Variants in CLSTN3 observed in about 807,000 individuals in gnomAD.
CLSTN3 encodes the protein calsyntenin-3.
A neutral mutation model predicts 95.9 loss-of-function variants in CLSTN3; 36 were observed. That is an observed-to-expected ratio of 0.38 (90% CI 0.29 to 0.50). The LOEUF (loss-of-function observed/expected upper bound fraction) is 0.50. CLSTN3 is among the 20% of genes least tolerant of loss of function. The probability of loss-of-function intolerance (pLI) is 0.95; values close to 1 mark genes in which losing one functional copy is unlikely to be tolerated. For synonymous variants in CLSTN3, 481 were observed against 504.0 expected (o/e 0.95, Z 0.61); for missense variants, 1,084 against 1,268.8 (o/e 0.85, Z 2.21).
At position 7,137,812 on chromosome 12, in the gene CLSTN3, G is replaced by GAC. The variant is rs1939457553; in HGVS notation, c.1211-142_1211-141insCA. 10 of 578,024 alleles carry GAC rather than the reference G, an allele frequency of 1.7e-5. No individual in the cohort carries two copies. The highest frequency in any genetic ancestry group is 9.5e-5 in the South Asian group (5 of 52,718). 35.8% of individuals were successfully genotyped at this position (578,024 alleles called of 1,614,324 possible). A position where few individuals can be genotyped will look rare whatever the true frequency, so the allele number is the denominator to read the frequency against. On this transcript the variant is annotated intron_variant, in intron 7 of 17. Transcript: ENST00000266546. The surrounding 1 kb of genome is among the most constrained non-coding windows in gnomAD (Gnocchi z 4.4). The stretch of plus-strand genomic sequence containing the variant: ...TGTGTGTGTGAGAGAGAGAGAGAGA[G>GAC]AGAGAGAGAGGAAAGAAAAATGCTA...
In CLSTN3 at chr12:7,149,783, G is replaced by A; in HGVS notation, c.2245+90G>A. 1.6e-6 allele frequency: 2 copies of A among 1,242,156 alleles called. No homozygotes were observed. Among genetic ancestry groups the A allele is most frequent in the Non-Finnish European group, 1.1e-6 (1 of 893,866 alleles). 76.9% of individuals were successfully genotyped at this position (1,242,156 alleles called of 1,614,324 possible). ...GAAGCCCAGAGGGTCCTCCTTCCAG[G>A]TCCAGGGATGTGGACAAGTGCCGTT... On this transcript the variant is annotated intron_variant, in intron 14 of 17. Transcript: ENST00000266546. This position sits in a 1 kb window ranked among gnomAD's most constrained non-coding sequence, Gnocchi z 4.5.
At chr12:7,140,320 G>C (rs1163220552) in intron 8 of CLSTN3, among the ~76,000 whole-genome samples, 1 of 152,214 alleles carries the variant, frequency 6.6e-6, no homozygotes, top group African/African-American at 2.4e-5. Flanking sequence ...TGAGATACTT[G>C]TGGGCATCCA....
rs745362097 is a variant in CLSTN3 at position 7,149,020 on chromosome 12, C to T, written c.1896C>T (p.Tyr632=). The change falls in exon 13 of 18, where the codon TAC becomes TAT. Residue 632 remains tyrosine (Y), a synonymous_variant. Transcript: ENST00000266546. This position sits in a 1 kb window ranked among gnomAD's most constrained non-coding sequence, Gnocchi z 4.5. ...SCVSIPEVEG[Y]VVVLQPDAPQ... ...TCTCCATCCCTGAAGTGGAGGGCTA[C>T]GTGGTCGTCCTTCAGCCTGACGCCC... is the stretch of plus-strand genomic sequence containing the variant. 4.3e-6 allele frequency: 7 copies of T among 1,614,048 alleles called. No homozygotes were observed. Among genetic ancestry groups the T allele is most frequent in the South Asian group, 2.2e-5 (2 of 91,074 alleles).
rs1939457284 is a variant in CLSTN3, at chr12:7,137,804, G to C, written c.1211-151G>C. 1.9e-6 allele frequency: 1 copy of C among 538,498 alleles called. No individual in the cohort carries two copies. Among genetic ancestry groups the C allele is most frequent in the Non-Finnish European group, 3.4e-6 (1 of 295,550 alleles). 33.4% of individuals were successfully genotyped at this position (538,498 alleles called of 1,614,324 possible). ...TGTGTGTGTGTGTGTGTGAGAGAGA[G>C]AGAGAGAGAGAGAGAGAGGAAAGAA... On this transcript the variant is annotated intron_variant, in intron 7 of 17. Coordinates refer to ENST00000266546, the MANE Select transcript of CLSTN3 (RefSeq NM_014718.4). The surrounding 1 kb of genome is among the most constrained non-coding windows in gnomAD (Gnocchi z 4.4).
intron 1 of CLSTN3, chr12:7,131,749 C>T (rs931426809): frequency 1.3e-5 from 6 of 455,844 alleles, no homozygotes; most frequent in Non-Finnish European, 2.2e-5. Context: ...AGCCTCGCCT[C>T]CTAGCCTCCT....
chr12:7,136,494 G>A (rs1939424254), intron 6 of CLSTN3, 103 bp downstream of exon 6: 3 of 1,149,210 alleles, frequency 2.6e-6, no homozygotes, highest in Non-Finnish European at 1.2e-6. Flanking sequence ...CCATCCACAG[G>A]TGTTTATCCA....
rs746400828 is a variant in CLSTN3, at chr12:7,150,885, C to T, written c.2392-43C>T. 12 of 1,552,498 alleles carry T rather than the reference C, an allele frequency of 7.7e-6. No homozygotes were observed. The highest frequency in any genetic ancestry group is 1.0e-5 in the Non-Finnish European group (12 of 1,143,630). On this transcript the variant is annotated intron_variant, in intron 15 of 17. Transcript: ENST00000266546. This position sits in a 1 kb window ranked among gnomAD's most constrained non-coding sequence, Gnocchi z 4.0. ...TGGGGTCTAGAGAAGTGGGGAGGACCTGGGAGAAGCGTGTGTGCCCATGGA... is the reference window on the plus strand; with the variant it reads ...TGGGGTCTAGAGAAGTGGGGAGGACTTGGGAGAAGCGTGTGTGCCCATGGA...
At chr12:7,151,729 A>G (rs951403302) in intron 16 of CLSTN3, among the ~76,000 whole-genome samples, 10 of 152,292 alleles carry the variant, frequency 6.6e-5, no homozygotes, top group Non-Finnish European at 1.0e-4. Flanking sequence ...GTAATTGTAG[A>G]AAAACCAGAA....
rs1939703606 is a variant in CLSTN3 at position 7,150,484 on chromosome 12, G to A, written c.2246-60G>A. The A allele has an allele frequency of 4.5e-6, 7 of 1,565,702 alleles. 1 individual carries two copies. Among genetic ancestry groups the A allele is most frequent in the South Asian group, 2.3e-5 (2 of 86,860 alleles). On this transcript the variant is annotated intron_variant, in intron 14 of 17. Transcript: ENST00000266546. This position sits in a 1 kb window ranked among gnomAD's most constrained non-coding sequence, Gnocchi z 4.0. ...TCAGCTGGTGGGAGTCCAGGAGAGA[G>A]GGTCCTGCCCAGGTCCTGCCTCCAC...
At position 7,141,940 on chromosome 12, in the gene CLSTN3, T is replaced by C; in HGVS notation, c.1487-146T>C. On this transcript the variant is annotated intron_variant, in intron 9 of 17. Transcript: ENST00000266546. This position sits in a 1 kb window ranked among gnomAD's most constrained non-coding sequence, Gnocchi z 4.1. Reference sequence around the variant, plus strand: ...AAGGGTTGGGGCTGAGCTGAGAGGTTGCAAGTTATACATGGGCAGGGTCAG... The same window carrying C: ...AAGGGTTGGGGCTGAGCTGAGAGGTCGCAAGTTATACATGGGCAGGGTCAG... 1 of 634,134 alleles carries C rather than the reference T, an allele frequency of 1.6e-6. No homozygotes were observed. Among genetic ancestry groups the C allele is most frequent in the Non-Finnish European group, 2.7e-6 (1 of 368,178 alleles). 39.3% of individuals were successfully genotyped at this position (634,134 alleles called of 1,614,324 possible).
chr12:7,144,378 G>T (rs1165284306), intron 12 of CLSTN3, among the ~76,000 whole-genome samples: 1 of 152,070 alleles, frequency 6.6e-6, no homozygotes, highest in Admixed American at 6.5e-5. Flanking sequence ...GAGAGGCAAC[G>T]AAAGTATGAT....
chr12:7,131,669 G>A, intron 1 of CLSTN3: 1 of 419,170 alleles, frequency 2.4e-6, no homozygotes, highest in Non-Finnish European at 4.8e-6. Flanking sequence ...GGTGGGAGGG[G>A]GAGCTGTGCA....
In CLSTN3 at chr12:7,141,086, C is replaced by T. The variant is rs749144900; in HGVS notation, c.1324-156C>T. On this transcript the variant is annotated intron_variant, in intron 8 of 17. Transcript: ENST00000266546. This position sits in a 1 kb window ranked among gnomAD's most constrained non-coding sequence, Gnocchi z 4.1. ...GATTTTGGACAAGGATGTTATTCCT[C>T]GAGCTGGATAGGCAGCAAAGCACTA... 3.1e-4 allele frequency among the ~76,000 whole-genome samples: 47 copies of T among 152,302 alleles called. No homozygotes were observed. Among genetic ancestry groups the T allele is most frequent in the African/African-American group, 1.1e-3 (45 of 41,560 alleles).
At chr12:7,136,804 C>T (rs375191507) in intron 6 of CLSTN3, 25 bp from the exon 7 acceptor site, 17 of 1,609,944 alleles carry the variant, frequency 1.1e-5, no homozygotes, top group Non-Finnish European at 1.4e-5. Context: ...GGCTCTGACA[C>T]TTGTGCCTCC....
intron 1 of CLSTN3, chr12:7,131,970 A>ATGAT: frequency 2.2e-6 from 1 of 451,994 alleles, no homozygotes; most frequent in Non-Finnish European, 4.5e-6. Flanking sequence ...CCTCTGCCTC[A>ATGAT]TGATTGTGCT....
chr12:7,137,791 TGTGTGAGA>T lies in CLSTN3; in HGVS notation c.1211-162_1211-155del, dbSNP rs1939455559. On this transcript the variant is annotated intron_variant, in intron 7 of 17. Coordinates refer to ENST00000266546, the MANE Select transcript of CLSTN3 (RefSeq NM_014718.4). This position sits in a 1 kb window ranked among gnomAD's most constrained non-coding sequence, Gnocchi z 4.4. ...GTGTGTGTGTGTGTGTGTGTGTGTGTGTGTGAGAGAGAGAGAGAGAGAGAGAGAGAGGA... is the reference window on the plus strand; with the variant it reads ...GTGTGTGTGTGTGTGTGTGTGTGTGTGAGAGAGAGAGAGAGAGAGAGAGGA... Among the ~76,000 whole-genome samples the T allele has an allele frequency of 2.6e-5, 3 of 113,916 alleles. No homozygotes were observed. The highest frequency in any genetic ancestry group is 9.1e-5 in the African/African-American group (3 of 32,846). The allele number at this position is 113,916 out of a possible 152,430, so 74.7% of individuals were successfully genotyped here.
intron 12 of CLSTN3, among the ~76,000 whole-genome samples, chr12:7,144,382 G>A (rs770101070): frequency 6.6e-6 from 1 of 152,268 alleles, no homozygotes; most frequent in African/African-American, 2.4e-5. Context: ...GGCAACGAAA[G>A]TATGATAGTT....
rs1034359188 is a variant in CLSTN3, at chr12:7,157,484, T to C, written c.2528-5T>C. On this transcript the variant is annotated splice_region_variant and splice_polypyrimidine_tract_variant and intron_variant, in intron 16 of 17. Transcript: ENST00000266546. The surrounding 1 kb of genome is among the most constrained non-coding windows in gnomAD (Gnocchi z 5.9). The stretch of plus-strand genomic sequence containing the variant: ...GCTCTGCTCACCCCCGCGCTCTCTC[T>C]GCAGTGATACCCAGCGCCGCAACCC... The C allele has an allele frequency of 1.3e-6, 2 of 1,568,486 alleles. No homozygotes were observed. Among genetic ancestry groups the C allele is most frequent in the African/African-American group, 1.4e-5 (1 of 73,644 alleles).
intron 3 of CLSTN3, among the ~76,000 whole-genome samples, chr12:7,134,507 C>G (rs1040903315): frequency 1.3e-5 from 2 of 152,228 alleles, no homozygotes; most frequent in African/African-American, 4.8e-5. Context: ...GGCCTGGGAG[C>G]CTGGGTCTTG....
Sources: gnomAD v4.1 joint callset for allele counts (sites outside exome capture counted in the v4.1 genomes callset) on GRCh38, gnomAD v4.1.1 for gene constraint, Gnocchi (gnomAD v3.1) non-coding constraint, MANE v1.5 for transcripts, NCBI Gene and HGNC (gene_info 2026-07-23, HGNC 2026-07-21) for gene names.